The following FKTN variants were observed in gnomAD, a reference collection of about 807,000 sequenced individuals.
FKTN encodes the protein ribitol-5-phosphate transferase FKTN.
In FKTN, 47 loss-of-function variants were observed where a neutral mutation model predicts 58.6. That is an observed-to-expected ratio of 0.80 (90% CI 0.63 to 1.02). The LOEUF is 1.02. Ranked by LOEUF, FKTN falls within the 50% of genes least tolerant of loss-of-function variation. FKTN has a pLI of 0.00. For synonymous variants in FKTN, 178 were observed against 191.9 expected, an observed-to-expected ratio of 0.93 and a Z score of 0.60; for missense variants, 516 against 537.3, an observed-to-expected ratio of 0.96 and a Z score of 0.39.
intron 1 of FKTN, among the ~76,000 whole-genome samples, chr9:105,570,852 A>G (rs1010780865): frequency 2.6e-5 from 4 of 152,184 alleles, no homozygotes; most frequent in African/African-American, 9.6e-5. Flanking sequence ...ATGAAAAGAA[A>G]GTAAACTGGT....
intron 9 of FKTN, 171 bp from the exon 10 acceptor site, chr9:105,619,763 T>G: frequency 5.5e-6 from 3 of 550,216 alleles, no homozygotes; most frequent in South Asian, 4.3e-5. Context: ...ATGTTACTGA[T>G]GCATCCCAAT....
chr9:105,592,950 A>T (rs1478922552), intron 3 of FKTN, among the ~76,000 whole-genome samples: 2 of 152,100 alleles, frequency 1.3e-5, no homozygotes, highest in Non-Finnish European at 2.9e-5. Flanking sequence ...TTTGCCTATT[A>T]CCCAGTTCCA....
intron 10 of FKTN, chr9:105,633,573 G>C (rs1833734514): frequency 6.6e-6 from 1 of 152,224 alleles, no homozygotes; most frequent in Non-Finnish European, 1.5e-5. Flanking sequence ...TAACATGAGT[G>C]TGCAGAGTAA....
rs1408708692 is a variant in FKTN, at chr9:105,638,175, C to G, written c.*2911C>G. On this transcript the variant is annotated 3_prime_UTR_variant, in exon 11 of 11. Transcript: ENST00000357998. ...CTAAAACCCAAGACTGCCGTGACTCCTAGTCCAATGTCTGTTTCGCATCAC... is the reference window on the plus strand; with the variant it reads ...CTAAAACCCAAGACTGCCGTGACTCGTAGTCCAATGTCTGTTTCGCATCAC... 1.0e-6 allele frequency: 1 copy of G among 985,268 alleles called. No individual in the cohort carries two copies. Among genetic ancestry groups the G allele is most frequent in the Non-Finnish European group, 1.2e-6 (1 of 829,924 alleles). The allele number at this position is 985,268 out of a possible 1,614,324, so 61.0% of individuals were successfully genotyped here.
rs570390323 is a variant in FKTN at position 105,565,509 on chromosome 9, A to T, written c.-181+7344A>T. Among the ~76,000 whole-genome samples, 113 of 152,306 alleles carry T rather than the reference A, an allele frequency of 7.4e-4. 2 individuals carry two copies. The South Asian group carries it at 0.023, about 31-fold the overall frequency. On this transcript the variant is annotated intron_variant, in intron 1 of 10. Transcript: ENST00000357998. ...GTAGGGGTTGCAATCCTAGTCTCTGATAAAACAGACTTTAAACCAACAAAG... is the reference window on the plus strand; with the variant it reads ...GTAGGGGTTGCAATCCTAGTCTCTGTTAAAACAGACTTTAAACCAACAAAG...
chr9:105,569,363 T>G (rs923381989), intron 1 of FKTN, among the ~76,000 whole-genome samples: 1 of 152,192 alleles, frequency 6.6e-6, no homozygotes, highest in East Asian at 1.9e-4. Flanking sequence ...AGAATTATCT[T>G]GAACTCCAAA....
intron 10 of FKTN, among the ~76,000 whole-genome samples, chr9:105,629,501 A>G (rs1483276987): frequency 6.6e-6 from 1 of 152,210 alleles, no homozygotes; most frequent in Non-Finnish European, 1.5e-5. Context: ...AAATCCTGTA[A>G]AAGTCTGAAG....
At chr9:105,572,213 A>C (rs886830146) in intron 1 of FKTN, among the ~76,000 whole-genome samples, 1 of 147,446 alleles carries the variant, frequency 6.8e-6, no homozygotes, top group African/African-American at 2.6e-5. Flanking sequence ...ATTTCTCTTA[A>C]GTAGTTTCTT....
intron 6 of FKTN, among the ~76,000 whole-genome samples, chr9:105,605,911 AG>A (rs1828806635): frequency 6.6e-6 from 1 of 152,214 alleles, no homozygotes; most frequent in Non-Finnish European, 1.5e-5. Context: ...TTTAATACAA[AG>A]GATAAATGCT....
chr9:105,590,204 T>C (rs1220914833), intron 3 of FKTN, among the ~76,000 whole-genome samples: 1 of 152,184 alleles, frequency 6.6e-6, no homozygotes, highest in Non-Finnish European at 1.5e-5. Flanking sequence ...TCCCCCATAC[T>C]GTTCTTGTGG....
intron 1 of FKTN, among the ~76,000 whole-genome samples, chr9:105,567,787 A>G (rs1839950044): frequency 6.6e-6 from 1 of 152,246 alleles, no homozygotes; most frequent in Non-Finnish European, 1.5e-5. Flanking sequence ...ATTGGAAAAA[A>G]CTACTTTAGA....
intron 9 of FKTN, among the ~76,000 whole-genome samples, chr9:105,619,367 A>G (rs914199189): frequency 3.9e-5 from 6 of 152,306 alleles, no homozygotes; most frequent in East Asian, 1.9e-4. Flanking sequence ...ACCAAGTCCA[A>G]TGGGAACGTA....
intron 3 of FKTN, among the ~76,000 whole-genome samples, chr9:105,595,757 A>G (rs1826668420): frequency 6.6e-6 from 1 of 152,182 alleles, no homozygotes; most frequent in Non-Finnish European, 1.5e-5. Flanking sequence ...TTAATGGGGA[A>G]ATGAGGTTTA....
intron 7 of FKTN, among the ~76,000 whole-genome samples, chr9:105,614,711 AT>A (rs1342922194): frequency 6.6e-6 from 1 of 152,146 alleles, no homozygotes; most frequent in African/African-American, 2.4e-5. Flanking sequence ...TGATAAAAGG[AT>A]GTCTCATCCT....
chr9:105,627,353 A>G (rs1232211947), intron 10 of FKTN, among the ~76,000 whole-genome samples: 1 of 152,160 alleles, frequency 6.6e-6, no homozygotes, highest in African/African-American at 2.4e-5. Flanking sequence ...GGGTAGTATT[A>G]TCGTGTCCTG....
chr9:105,637,517 C>CA lies in FKTN; in HGVS notation c.*2254dup, dbSNP rs1410567951. 6 of 985,402 alleles carry CA rather than the reference C, an allele frequency of 6.1e-6. No homozygotes were observed. The South Asian group carries it at 2.8e-4, about 46-fold the overall frequency. 61.0% of individuals were successfully genotyped at this position (985,402 alleles called of 1,614,324 possible). ...GGCTTACCTCTGATTCTGATTCATC[C>CA]ATACTTCATCTTATGTATTTTAACA... On this transcript the variant is annotated 3_prime_UTR_variant, in exon 11 of 11. Transcript: ENST00000357998.
At chr9:105,604,185 T>C in intron 5 of FKTN, 30 bp from the exon 6 acceptor site, 4 of 1,610,320 alleles carry the variant, frequency 2.5e-6, no homozygotes, top group Non-Finnish European at 3.4e-6. Flanking sequence ...AAGTGTTGTT[T>C]CTTGATGTTT....
intron 1 of FKTN, among the ~76,000 whole-genome samples, chr9:105,571,804 A>G (rs1429434424): frequency 6.6e-6 from 1 of 152,222 alleles, no homozygotes; most frequent in Non-Finnish European, 1.5e-5. Context: ...TCATCAGAGT[A>G]TAGGTTGAGC....
chr9:105,614,918 C>CA (rs1450807386), intron 7 of FKTN, among the ~76,000 whole-genome samples: 2 of 145,664 alleles, frequency 1.4e-5, no homozygotes, highest in Non-Finnish European at 1.5e-5. Context: ...CAGTCTCATT[C>CA]TGTCGCCCAG....
Sources: allele counts gnomAD v4.1 joint callset (sites outside exome capture counted in the v4.1 genomes callset), GRCh38; gene constraint gnomAD v4.1.1; transcripts MANE v1.5; gene names NCBI Gene and HGNC (gene_info 2026-07-23, HGNC 2026-07-21).